Variants in NEURL1B observed in about 807,000 individuals in gnomAD.
The protein encoded by NEURL1B is neuralized E3 ubiquitin protein ligase 1B.
In NEURL1B, 13 loss-of-function variants were observed where a neutral mutation model predicts 37.4. That is an observed-to-expected ratio of 0.35 (90% confidence interval 0.23 to 0.55). The LOEUF (loss-of-function observed/expected upper bound fraction) is 0.55, where lower values mean the gene tolerates loss of function less well. Among genes scored for constraint, NEURL1B ranks in the 20% least tolerant of loss-of-function variants. The pLI is 0.89. For synonymous variants in NEURL1B, 432 were observed against 426.6 expected (o/e 1.01, Z -0.16); for missense variants, 790 against 879.2 (o/e 0.90, Z 1.28).
intron 1 of NEURL1B, among the ~76,000 whole-genome samples, chr5:172,648,563 C>G (rs1292084679): frequency 6.6e-6 from 1 of 152,220 alleles, no homozygotes; most frequent in Non-Finnish European, 1.5e-5. Context: ...CCAGGGAACA[C>G]AGCTCAAGCA....
chr5:172,673,599 GA>G lies in NEURL1B; in HGVS notation c.577+3277del, dbSNP rs202137307. On this transcript the variant is annotated intron_variant, in intron 2 of 4. Coordinates refer to ENST00000369800, the MANE Select transcript of NEURL1B (RefSeq NM_001142651.3). ...TACATTGGAATTTCAGATAAACAAG[GA>G]AAAAAAAGTTTTTTTGACACAGGGT... 2.9e-3 allele frequency among the ~76,000 whole-genome samples: 435 copies of G among 151,618 alleles called. 2 individuals carry two copies. Among genetic ancestry groups the G allele is most frequent in the African/African-American group, 9.7e-3 (402 of 41,366 alleles).
intron 3 of NEURL1B, among the ~76,000 whole-genome samples, chr5:172,684,354 G>T (rs1366182998): frequency 6.6e-6 from 1 of 152,154 alleles, no homozygotes; most frequent in Non-Finnish European, 1.5e-5. Context: ...GGTGCACGGT[G>T]CGCCCCGAGA....
At position 172,668,549 on chromosome 5, in the gene NEURL1B, A is replaced by C. The variant is rs1446000530; in HGVS notation, c.32-1236A>C. ...TCCCATCAGGCTCAGGATTCATCAA[A>C]CCCCCCCACTTCCACTCTGTGGTGT... On this transcript the variant is annotated intron_variant, in intron 1 of 4. Transcript: ENST00000369800. Among the ~76,000 whole-genome samples the C allele has an allele frequency of 6.7e-5, 10 of 149,000 alleles. No homozygotes were observed. The East Asian group carries it at 7.9e-4, about 12-fold the overall frequency.
intron 2 of NEURL1B, among the ~76,000 whole-genome samples, chr5:172,672,544 C>CT (rs1554098451): frequency 6.8e-6 from 1 of 147,106 alleles, no homozygotes; most frequent in South Asian, 2.3e-4. Flanking sequence ...GAACTCTCCC[C>CT]CCCCCACTCT....
intron 1 of NEURL1B, among the ~76,000 whole-genome samples, chr5:172,663,416 G>C (rs1757941044): frequency 1.3e-5 from 2 of 151,770 alleles, no homozygotes; most frequent in African/African-American, 4.8e-5. Context: ...AGCTACTCAG[G>C]AGGCTGAGGC....
At position 172,675,258 on chromosome 5, in the gene NEURL1B, C is replaced by A. The variant is rs1758211614; in HGVS notation, c.577+4928C>A. On this transcript the variant is annotated intron_variant, in intron 2 of 4. Coordinates refer to ENST00000369800, the MANE Select transcript of NEURL1B (RefSeq NM_001142651.3). This position sits in a 1 kb window ranked among gnomAD's most constrained non-coding sequence, Gnocchi z 4.7. ...GTGCTAAGGACCTTATTCTGTTTTT[C>A]TTTTTCCACTCACCCTTCTTTAGGA... is the stretch of plus-strand genomic sequence containing the variant. Among the ~76,000 whole-genome samples the A allele has an allele frequency of 6.6e-6, 1 of 152,130 alleles. No homozygotes were observed. Among genetic ancestry groups the A allele is most frequent in the Non-Finnish European group, 1.5e-5 (1 of 68,014 alleles).
intron 3 of NEURL1B, among the ~76,000 whole-genome samples, chr5:172,684,888 C>T (rs1758460177): frequency 2.0e-5 from 3 of 152,144 alleles, no homozygotes; most frequent in African/African-American, 7.2e-5. Context: ...AGAAGGCTTC[C>T]CAGAGAGCCT....
At position 172,660,299 on chromosome 5, in the gene NEURL1B, C is replaced by T. The variant is rs188717099; in HGVS notation, c.32-9486C>T. Among the ~76,000 whole-genome samples, 66 of 152,288 alleles carry T rather than the reference C, an allele frequency of 4.3e-4. No homozygotes were observed. The East Asian group carries it at 0.011, about 25-fold the overall frequency. ...CCTGGCTGAGCATGCTTTGAGGGGG[C>T]GTCGGGATGACCTCACCCCCTGGGA... On this transcript the variant is annotated intron_variant, in intron 1 of 4. Transcript: ENST00000369800.
intron 2 of NEURL1B, 111 bp downstream of exon 2, chr5:172,670,441 G>T (rs1758101320): frequency 1.2e-6 from 1 of 858,714 alleles, no homozygotes; most frequent in African/African-American, 1.8e-5. Context: ...TTTGCCAGGC[G>T]TGGCACTAAG....
rs554989563 is a variant in NEURL1B, at chr5:172,666,224, A to C, written c.32-3561A>C. ...CAAAAAAAAACAGAGCTGGGATCAC[A>C]CACACCTGGCTTCAATCCCTGGTTT... On this transcript the variant is annotated intron_variant, in intron 1 of 4. Coordinates refer to ENST00000369800, the MANE Select transcript of NEURL1B (RefSeq NM_001142651.3). Among the ~76,000 whole-genome samples the C allele has an allele frequency of 8.4e-4, 128 of 152,214 alleles. 1 individual carries two copies. Among genetic ancestry groups the C allele is most frequent in the Admixed American group, 1.6e-3 (25 of 15,306 alleles).
Position 172,675,721 on chromosome 5 carries a change from G to GT in NEURL1B, c.577+5396dup, listed in dbSNP as rs1469315114. On this transcript the variant is annotated intron_variant, in intron 2 of 4. Transcript: ENST00000369800. The surrounding 1 kb of genome is among the most constrained non-coding windows in gnomAD (Gnocchi z 4.7). ...ACCAGAAGCATTTCAGATTTTAGAC[G>GT]TTTTTGGATTTTGGAATATTTGTAT... Among the ~76,000 whole-genome samples, 1 of 152,032 alleles carries GT rather than the reference G, an allele frequency of 6.6e-6. No individual in the cohort carries two copies. The highest frequency in any genetic ancestry group is 1.5e-5 in the Non-Finnish European group (1 of 68,004).
intron 1 of NEURL1B, among the ~76,000 whole-genome samples, chr5:172,646,960 G>T (rs1349939024): frequency 6.6e-6 from 1 of 152,042 alleles, no homozygotes; most frequent in South Asian, 2.1e-4. Flanking sequence ...GGGGCCGGGG[G>T]TAAGAGGAGG....
At chr5:172,645,739 C>G (rs141629271) in intron 1 of NEURL1B, among the ~76,000 whole-genome samples, 76 of 152,296 alleles carry the variant, frequency 5.0e-4, no homozygotes, top group Non-Finnish European at 9.6e-4. Flanking sequence ...ATCAGAATCG[C>G]TTGCTACCCT....
chr5:172,677,522 C>T (rs958232956), intron 2 of NEURL1B, among the ~76,000 whole-genome samples: 1 of 152,192 alleles, frequency 6.6e-6, no homozygotes, highest in Non-Finnish European at 1.5e-5. Context: ...GTCTGCAGTC[C>T]AGCCTTCTCT....
intron 2 of NEURL1B, among the ~76,000 whole-genome samples, chr5:172,674,467 C>T (rs1254956662): frequency 6.6e-6 from 1 of 152,136 alleles, no homozygotes; most frequent in Admixed American, 6.5e-5. Context: ...TTAGAACCAC[C>T]AAGACGGTCA....
chr5:172,654,997 CTTTCCCCTCTCTCTT>C (rs1043160801), intron 1 of NEURL1B, among the ~76,000 whole-genome samples: 3 of 151,856 alleles, frequency 2.0e-5, no homozygotes, highest in Non-Finnish European at 4.4e-5. Context: ...TCTTCTCTCT[CTTTCCCCTCTCTCTT>C]TTTCTCTCCT....
rs946644947 is a variant in NEURL1B, at chr5:172,665,676, C to T, written c.32-4109C>T. On this transcript the variant is annotated intron_variant, in intron 1 of 4. Coordinates refer to ENST00000369800, the MANE Select transcript of NEURL1B (RefSeq NM_001142651.3). The surrounding 1 kb of genome is among the most constrained non-coding windows in gnomAD (Gnocchi z 4.1). ...CTGGCACACCCCCTGCCACACCTACCGTATCACTTTACCCTCCCCCCAAAT... is the reference window on the plus strand; with the variant it reads ...CTGGCACACCCCCTGCCACACCTACTGTATCACTTTACCCTCCCCCCAAAT... 2.0e-5 allele frequency among the ~76,000 whole-genome samples: 3 copies of T among 152,084 alleles called. No homozygotes were observed. Among genetic ancestry groups the T allele is most frequent in the South Asian group, 2.1e-4 (1 of 4,826 alleles).
intron 1 of NEURL1B, among the ~76,000 whole-genome samples, chr5:172,654,873 A>G (rs1295224291): frequency 5.9e-5 from 9 of 152,084 alleles, no homozygotes; most frequent in African/African-American, 2.2e-4. Flanking sequence ...TAGGTTCTAA[A>G]TTTACCTTGG....
intron 1 of NEURL1B, among the ~76,000 whole-genome samples, chr5:172,645,784 T>A (rs946589841): frequency 1.3e-5 from 2 of 152,122 alleles, no homozygotes; most frequent in African/African-American, 4.8e-5. Flanking sequence ...GCCAACATGC[T>A]GTAACAGAAC....
Sources: allele counts gnomAD v4.1 joint callset (sites outside exome capture counted in the v4.1 genomes callset), GRCh38; gene constraint gnomAD v4.1.1; non-coding constraint Gnocchi (gnomAD v3.1); transcripts MANE v1.5; gene names NCBI Gene and HGNC (gene_info 2026-07-23, HGNC 2026-07-21).